MUCL3: variants seen among roughly 807,000 people sequenced by gnomAD.
MUCL3 encodes the protein mucin-like protein 3.
A neutral mutation model predicts 70.2 loss-of-function variants in MUCL3; 42 were observed. That is an observed-to-expected ratio of 0.60 (90% CI 0.47 to 0.77). MUCL3 has a LOEUF of 0.77. Ranked by LOEUF, MUCL3 falls within the 30% of genes least tolerant of loss-of-function variation. The pLI, the probability that MUCL3 is intolerant of heterozygous loss-of-function variation, is 0.00. For synonymous variants in MUCL3, 522 were observed against 647.0 expected, an observed-to-expected ratio of 0.81 and a Z score of 2.93; for missense variants, 1,429 against 1,670.0, an observed-to-expected ratio of 0.86 and a Z score of 2.52.
In MUCL3 at chr6:30,949,402, A is replaced by G. The variant is rs781644457; in HGVS notation, c.938A>G (p.Asn313Ser). ...ACAGAAAATAGAGAAAGGACAGCCA[A>G]TGAGAACACCACACTATCCCCAGCA... ...EPTENRERTA[N>S]ENTTLSPAEP... Residue 313 changes from asparagine (N) to serine (S), a missense_variant, in exon 2 of 3, where the codon AAT becomes AGT. Asn to Ser is a conservative substitution (Grantham distance 46, BLOSUM62 1). Transcript: ENST00000462446. The G allele has an allele frequency of 6.7e-6, 10 of 1,498,756 alleles. No homozygotes were observed. Among genetic ancestry groups the G allele is most frequent in the Non-Finnish European group, 9.0e-6 (10 of 1,111,752 alleles). 92.8% of individuals were successfully genotyped at this position (1,498,756 alleles called of 1,614,324 possible). A position where few individuals can be genotyped will look rare whatever the true frequency, so the allele number is the denominator to read the frequency against.
rs763505954 is a variant in MUCL3 at position 30,952,408 on chromosome 6, G to C, written c.3944G>C (p.Gly1315Ala). Residue 1315 changes from glycine (G) to alanine (A), a missense_variant, in exon 2 of 3, where the codon GGA (glycine) becomes GCA (alanine). Transcript: ENST00000462446. ...SQKGIHAGQM[G>A]ENDSFPAWAI... ...AAAGGTATCCACGCTGGACAGATGG[G>C]AGAGAATGATTCATTCCCTGCATGG... 3 of 1,614,102 alleles carry C rather than the reference G, an allele frequency of 1.9e-6. No homozygotes were observed. Among genetic ancestry groups the C allele is most frequent in the Non-Finnish European group, 2.5e-6 (3 of 1,179,992 alleles).
chr6:30,951,796 C>G lies in MUCL3; in HGVS notation c.3332C>G (p.Thr1111Ser). 1 of 1,563,290 alleles carries G rather than the reference C, an allele frequency of 6.4e-7. No homozygotes were observed. The highest frequency in any genetic ancestry group is 8.7e-7 in the Non-Finnish European group (1 of 1,154,530). Residue 1111 changes from threonine (T) to serine (S), a missense_variant, in exon 2 of 3, where the codon ACC becomes AGC. Thr to Ser is a moderately conservative substitution (Grantham distance 58). Coordinates refer to ENST00000462446, the MANE Select transcript of MUCL3 (RefSeq NM_080870.4). ...AAGCCTACAGAACATGGAGAAAGGACCACATCACCCAATGACAAGATCACC... is the reference window on the plus strand; with the variant it reads ...AAGCCTACAGAACATGGAGAAAGGAGCACATCACCCAATGACAAGATCACC... ...LAKPTEHGERTTSPNDKITSS... is the reference protein window; with the variant it reads ...LAKPTEHGERSTSPNDKITSS...
chr6:30,942,732 TCTC>T (rs1221685724), intron 1 of MUCL3, among the ~76,000 whole-genome samples: 5 of 152,228 alleles, frequency 3.3e-5, no homozygotes, highest in African/African-American at 4.8e-5. Flanking sequence ...CTGGCTGCTC[TCTC>T]CTCCTTCCAT....
chr6:30,952,318 G>C lies in MUCL3; in HGVS notation c.3854G>C (p.Ser1285Thr). Residue 1285 changes from serine (S) to threonine (T), a missense_variant, in exon 2 of 3, where the codon AGT (serine) becomes ACT (threonine). Transcript: ENST00000462446. ...FTLITSRTKL[S>T]SITSEATGNE... is the part of the protein sequence containing the mutation. ...CTCATTACATCTAGAACGAAGCTGAGTTCTATCACATCAGAAGCCACAGGA... is the reference window on the plus strand; with the variant it reads ...CTCATTACATCTAGAACGAAGCTGACTTCTATCACATCAGAAGCCACAGGA... The C allele has an allele frequency of 6.2e-7, 1 of 1,614,134 alleles. No individual in the cohort carries two copies. Among genetic ancestry groups the C allele is most frequent in the Non-Finnish European group, 8.5e-7 (1 of 1,180,014 alleles).
In MUCL3 at chr6:30,949,171, C is replaced by G; in HGVS notation, c.707C>G (p.Thr236Arg). ...PEKITAASKT[T>R]YKTTGTPEES... ...AAAATCACAGCAGCCTCAAAAACAA[C>G]ATACAAGACCACAGGAACCCCAGAA... Residue 236 changes from threonine (T) to arginine (R), a missense_variant, in exon 2 of 3, where the codon ACA becomes AGA. By Grantham distance (71) the Thr-to-Arg change is moderately conservative. Transcript: ENST00000462446. 6.4e-7 allele frequency: 1 copy of G among 1,551,512 alleles called. No individual in the cohort carries two copies. Among genetic ancestry groups the G allele is most frequent in the Non-Finnish European group, 8.7e-7 (1 of 1,146,962 alleles).
rs910810625 is a variant in MUCL3, at chr6:30,949,780, C to T, written c.1316C>T (p.Ala439Val). The change falls in exon 2 of 3, where the codon GCA becomes GTA. Residue 439 changes from alanine to valine, a missense_variant. Physicochemically the swap from Ala to Val is moderately conservative, Grantham distance 64 (BLOSUM62 0). Transcript: ENST00000462446. ...AACGAGAACACCACACCATCCCCAG[C>T]AGAGCCTACAGAAAATAGAGAAAGG... ...LANENTTPSP[A>V]EPTENRERTA... 1.9e-6 allele frequency: 3 copies of T among 1,550,532 alleles called. No individual in the cohort carries two copies. The highest frequency in any genetic ancestry group is 2.0e-5 in the Admixed American group (1 of 50,842).
Position 30,948,819 on chromosome 6 carries a change from C to T in MUCL3, c.355C>T (p.Pro119Ser). The change falls in exon 2 of 3, where the codon CCC becomes TCC. Residue 119 changes from proline to serine, a missense_variant. Pro to Ser is a moderately conservative substitution (Grantham distance 74). Coordinates refer to ENST00000462446, the MANE Select transcript of MUCL3 (RefSeq NM_080870.4). Reference sequence around the variant, plus strand: ...CTCTACAGATAATCATGAGGCTCCTCCCACTTCTGAAGAAAACTCCAGCAA... The same window carrying T: ...CTCTACAGATAATCATGAGGCTCCTTCCACTTCTGAAGAAAACTCCAGCAA... Reference protein sequence around the residue: ...KSSTDNHEAPPTSEENSSNQG... With the variant: ...KSSTDNHEAPSTSEENSSNQG... 6.4e-7 allele frequency: 1 copy of T among 1,551,644 alleles called. No individual in the cohort carries two copies. The highest frequency in any genetic ancestry group is 2.4e-5 in the East Asian group (1 of 40,924).
rs747108138 is a variant in MUCL3, at chr6:30,949,404, G to A, written c.940G>A (p.Glu314Lys). The change falls in exon 2 of 3, where the codon GAG becomes AAG. Residue 314 changes from glutamate to lysine, a missense_variant. Glu to Lys is a moderately conservative substitution (Grantham distance 56). Transcript: ENST00000462446. ...PTENRERTAN[E>K]NTTLSPAEPI... The stretch of plus-strand genomic sequence containing the variant: ...AGAAAATAGAGAAAGGACAGCCAAT[G>A]AGAACACCACACTATCCCCAGCAGA... The A allele has an allele frequency of 1.5e-5, 23 of 1,498,886 alleles. No homozygotes were observed. Among genetic ancestry groups the A allele is most frequent in the Admixed American group, 2.0e-5 (1 of 49,164 alleles). 92.8% of individuals were successfully genotyped at this position (1,498,886 alleles called of 1,614,324 possible).
Position 30,951,552 on chromosome 6 carries a change from G to A in MUCL3, c.3088G>A (p.Ala1030Thr). 6.4e-7 allele frequency: 1 copy of A among 1,550,620 alleles called. No individual in the cohort carries two copies. The highest frequency in any genetic ancestry group is 8.7e-7 in the Non-Finnish European group (1 of 1,146,834). The change falls in exon 2 of 3, where the codon GCC becomes ACC. Residue 1030 changes from alanine (A) to threonine (T), a missense_variant. Physicochemically the swap from Ala to Thr is moderately conservative, Grantham distance 58. Coordinates refer to ENST00000462446, the MANE Select transcript of MUCL3 (RefSeq NM_080870.4). ...AGAACATGGAGAAAGGACACCATCAGCCAATGAGAAGACCATACCATCTCC... is the reference window on the plus strand; with the variant it reads ...AGAACATGGAGAAAGGACACCATCAACCAATGAGAAGACCATACCATCTCC... Reference protein sequence around the residue: ...PTEHGERTPSANEKTIPSPAK... With the variant: ...PTEHGERTPSTNEKTIPSPAK...
At chr6:30,948,080 G>C (rs1760392823) in intron 1 of MUCL3, among the ~76,000 whole-genome samples, 1 of 152,172 alleles carries the variant, frequency 6.6e-6, no homozygotes, top group Non-Finnish European at 1.5e-5. Context: ...ATAAGTTACA[G>C]ACCCTAAAGG....
intron 1 of MUCL3, among the ~76,000 whole-genome samples, chr6:30,945,353 G>GCCAGGCCAGC (rs1417797450): frequency 4.6e-5 from 7 of 151,948 alleles, no homozygotes; most frequent in Non-Finnish European, 8.8e-5. Context: ...GCCAGGCCAG[G>GCCAGGCCAGC]CCAGGCCAGG....
In MUCL3 at chr6:30,950,107, C is replaced by A. The variant is rs1417011754; in HGVS notation, c.1643C>A (p.Ala548Asp). 4.5e-6 allele frequency: 7 copies of A among 1,551,446 alleles called. No individual in the cohort carries two copies. Among genetic ancestry groups the A allele is most frequent in the Non-Finnish European group, 3.5e-6 (4 of 1,146,992 alleles). The change falls in exon 2 of 3, where the codon GCC becomes GAC. Residue 548 changes from alanine (A) to aspartate (D), a missense_variant. Physicochemically the swap from Ala to Asp is moderately radical, Grantham distance 126. Transcript: ENST00000462446. Reference protein sequence around the residue: ...AEPTENRERTANEKTTPSPAE... With the variant: ...AEPTENRERTDNEKTTPSPAE... The stretch of plus-strand genomic sequence containing the variant: ...CCTACAGAAAATAGAGAAAGGACAG[C>A]CAATGAGAAGACCACACCATCCCCA...
Position 30,951,131 on chromosome 6 carries a change from C to T in MUCL3, c.2667C>T (p.Ala889=). The part of the protein sequence containing the change: ...PTEHEEMTPL[A]NEKTTLSPAE... ...AACATGAAGAAATGACCCCATTGGC[C>T]AATGAGAAGACCACACTATCCCCAG... Residue 889 remains alanine, a synonymous_variant, in exon 2 of 3, where the codon GCC becomes GCT. Coordinates refer to ENST00000462446, the MANE Select transcript of MUCL3 (RefSeq NM_080870.4). The T allele has an allele frequency of 6.4e-7, 1 of 1,551,276 alleles. No homozygotes were observed.
In MUCL3 at chr6:30,949,858, A is replaced by C; in HGVS notation, c.1394A>C (p.Glu465Ala). The C allele has an allele frequency of 6.4e-7, 1 of 1,550,394 alleles. No individual in the cohort carries two copies. The highest frequency in any genetic ancestry group is 8.7e-7 in the Non-Finnish European group (1 of 1,146,370). The change falls in exon 2 of 3, where the codon GAA (glutamate) becomes GCA (alanine). Residue 465 changes from glutamate (E) to alanine (A), a missense_variant. Transcript: ENST00000462446. ...CCAGCAGGGCCTACAGAAAACAGAG[A>C]AACGACAGCCAACGAGAAGACCACA... The part of the protein sequence containing the change: ...PSPAGPTENR[E>A]TTANEKTTLS...
intron 1 of MUCL3, among the ~76,000 whole-genome samples, 158 bp downstream of exon 1, chr6:30,941,239 AT>A (rs1278060035): frequency 6.6e-6 from 1 of 152,206 alleles, no homozygotes; most frequent in African/African-American, 2.4e-5. Context: ...GCTAAGGGAC[AT>A]GTAGTAGGAG....
intron 1 of MUCL3, among the ~76,000 whole-genome samples, chr6:30,945,230 A>C (rs958840217): frequency 6.6e-6 from 1 of 152,238 alleles, no homozygotes; most frequent in Non-Finnish European, 1.5e-5. Flanking sequence ...AGTTTTCATC[A>C]GTCTTATTCT....
At chr6:30,945,591 G>A (rs1461592985) in intron 1 of MUCL3, among the ~76,000 whole-genome samples, 2 of 151,870 alleles carry the variant, frequency 1.3e-5, no homozygotes, top group African/African-American at 4.8e-5. Context: ...GGACTGCAGT[G>A]AGCTGTGACC....
chr6:30,947,915 ACC>A (rs1760382496), intron 1 of MUCL3, among the ~76,000 whole-genome samples: 2 of 151,962 alleles, frequency 1.3e-5, no homozygotes, highest in South Asian at 4.2e-4. Flanking sequence ...ATTTGTGTCT[ACC>A]TGCTAATCCC....
intron 1 of MUCL3, among the ~76,000 whole-genome samples, chr6:30,941,605 ACC>A (rs1795582545): frequency 6.6e-6 from 1 of 151,316 alleles, no homozygotes; most frequent in Non-Finnish European, 1.5e-5. Flanking sequence ...GATTACAGGC[ACC>A]TGCCACCACG....
Sources: allele counts gnomAD v4.1 joint callset (sites outside exome capture counted in the v4.1 genomes callset), GRCh38; gene constraint gnomAD v4.1.1; transcripts MANE v1.5; gene names NCBI Gene and HGNC (gene_info 2026-07-23, HGNC 2026-07-21).